The following TMC4 variants were observed in gnomAD, a reference collection of about 807,000 sequenced individuals.
TMC4 encodes the protein transmembrane channel like 4.
In TMC4, 70 loss-of-function variants were observed where a neutral mutation model predicts 82.0. The observed-to-expected ratio is 0.85, with a 90% confidence interval of 0.70 to 1.04. TMC4 has a LOEUF of 1.04. Among genes scored for constraint, TMC4 ranks in the 50% least tolerant of loss-of-function variants. The probability of loss-of-function intolerance (pLI) is 0.00; values close to 1 mark genes in which losing one functional copy is unlikely to be tolerated. For missense variants in TMC4, 879 were observed against 899.0 expected (o/e 0.98, Z 0.28); for synonymous variants, 446 against 406.0 (o/e 1.10, Z -1.18).
At position 54,168,914 on chromosome 19, in the gene TMC4, TC is replaced by T. The variant is rs1365504993; in HGVS notation, c.443-235del. The stretch of plus-strand genomic sequence containing the variant: ...TTCTTTCCTTTCTTTCTTCTTTCTT[TC>T]CTTCCTTCCTTCCTTCCTTCCTTCC... On this transcript the variant is annotated intron_variant, in intron 3 of 14. Transcript: ENST00000619895. 8.9e-4 allele frequency among the ~76,000 whole-genome samples: 8 copies of T among 8,996 alleles called. 2 individuals carry two copies. The highest frequency in any genetic ancestry group is 0.083 in the Middle Eastern group (2 of 24). The allele number at this position is 8,996 out of a possible 152,430, so 5.9% of individuals were successfully genotyped here.
intron 8 of TMC4, 144 bp downstream of exon 8, chr19:54,163,580 G>C: frequency 1.0e-6 from 1 of 1,003,820 alleles, no homozygotes; most frequent in African/African-American, 1.6e-5. Context: ...ACAGGTGTGA[G>C]CCACTGCACC....
In TMC4 at chr19:54,160,369, C is replaced by T. The variant is rs375602034; in HGVS notation, c.2058G>A (p.Ala686=). 7 of 1,537,754 alleles carry T rather than the reference C, an allele frequency of 4.6e-6. No homozygotes were observed. Among genetic ancestry groups the T allele is most frequent in the African/African-American group, 2.8e-5 (2 of 72,122 alleles). The change falls in exon 15 of 15, where the codon GCG becomes GCA. Residue 686 remains alanine, a synonymous_variant. Coordinates refer to ENST00000619895, the MANE Select transcript of TMC4 (RefSeq NM_144686.4). ...GCCGTGCCAGGAAGACTTTATTCTG[C>T]GCCTCCTGGGGCAAAGAGAGGTGGA... ...SELKRQRETE[A]QNKVFLARRA...
Position 54,163,856 on chromosome 19 carries a change from A to C in TMC4, c.1145T>G (p.Leu382Arg). 1 of 1,614,110 alleles carries C rather than the reference A, an allele frequency of 6.2e-7. No homozygotes were observed. Among genetic ancestry groups the C allele is most frequent in the Non-Finnish European group, 8.5e-7 (1 of 1,180,010 alleles). ...CGGAAGGTAATTCACCCCAAGCTTC[A>C]GCAGTGGCAACTCCTGGACAAGGGG... ...EMPLVQELPL[L>R]KLGVNYLPSI... The change falls in exon 8 of 15, where the codon CTG (leucine) becomes CGG (arginine). Residue 382 changes from leucine to arginine, a missense_variant. Physicochemically the swap from Leu to Arg is moderately radical, Grantham distance 102. Transcript: ENST00000619895.
At chr19:54,171,033 T>C (rs942842508) in intron 2 of TMC4, among the ~76,000 whole-genome samples, 4 of 140,638 alleles carry the variant, frequency 2.8e-5, no homozygotes, top group Non-Finnish European at 6.2e-5. Context: ...TACATTGTTA[T>C]TTTTTATTGT....
Position 54,163,084 on chromosome 19 carries a change from G to A in TMC4, c.1353C>T (p.Asp451=). ...SLWNQITCGG[D]SEAEDCKTCG... ...AGGTTTTGCAGTCCTCAGCCTCGGA[G>A]TCGCCCCCACAAGTGATCTGATTCC... The change falls in exon 9 of 15, where the codon GAC becomes GAT. Residue 451 remains aspartate, a synonymous_variant. Coordinates refer to ENST00000619895, the MANE Select transcript of TMC4 (RefSeq NM_144686.4). The A allele has an allele frequency of 6.2e-7, 1 of 1,613,902 alleles. No individual in the cohort carries two copies. The highest frequency in any genetic ancestry group is 8.5e-7 in the Non-Finnish European group (1 of 1,179,994).
chr19:54,164,825 C>T (rs2075661257), intron 6 of TMC4: 3 of 609,654 alleles, frequency 4.9e-6, no homozygotes, highest in Admixed American at 6.3e-5. Flanking sequence ...AGCCCCCATC[C>T]CTCCGCGGTC....
At position 54,160,490 on chromosome 19, in the gene TMC4, C is replaced by G. The variant is rs758439329; in HGVS notation, c.2029G>C (p.Glu677Gln). 6.2e-7 allele frequency: 1 copy of G among 1,614,124 alleles called. No homozygotes were observed. The highest frequency in any genetic ancestry group is 1.1e-5 in the South Asian group (1 of 91,088). Residue 677 changes from glutamate (E) to glutamine (Q), a missense_variant, in exon 14 of 15, where the codon GAG becomes CAG. Glu to Gln is a conservative substitution (Grantham distance 29, BLOSUM62 2). Coordinates refer to ENST00000619895, the MANE Select transcript of TMC4 (RefSeq NM_144686.4). ...ACCGTCTCTCTCTGACGTTTGAGCT[C>G]AGAGATGAGGCGTCCGTAGGAGTTA... ...LANSYGRLIS[E>Q]LKRQRETEAQ...
chr19:54,166,343 A>C (rs2075704730), intron 5 of TMC4, among the ~76,000 whole-genome samples: 1 of 137,774 alleles, frequency 7.3e-6, no homozygotes, highest in Non-Finnish European at 1.6e-5. Context: ...AAAAAAAAAA[A>C]AAAGACCCAG....
At chr19:54,162,542 C>T (rs1235596706) in intron 10 of TMC4, 131 bp downstream of exon 10, 3 of 795,582 alleles carry the variant, frequency 3.8e-6, no homozygotes, top group Non-Finnish European at 4.2e-6. Flanking sequence ...GGGAGATCTG[C>T]GGACCTAGGG....
chr19:54,162,266 G>T lies in TMC4; in HGVS notation c.1522C>A (p.Pro508Thr). ...CCCGCCAGACGACCCAGCGCCCCAG[G>T]ACAGAGGCCACAGAGGAGCCTGAAG... is the stretch of plus-strand genomic sequence containing the variant. ...FPRKLLCGLCPGALGRLAGTQ... is the reference protein window; with the variant it reads ...FPRKLLCGLCTGALGRLAGTQ... Residue 508 changes from proline to threonine, a missense_variant, in exon 11 of 15, where the codon CCT (proline) becomes ACT (threonine). Physicochemically the swap from Pro to Thr is conservative, Grantham distance 38 (BLOSUM62 -1). Coordinates refer to ENST00000619895, the MANE Select transcript of TMC4 (RefSeq NM_144686.4). 2 of 1,597,144 alleles carry T rather than the reference G, an allele frequency of 1.3e-6. No individual in the cohort carries two copies. The highest frequency in any genetic ancestry group is 1.7e-4 in the Middle Eastern group (1 of 5,978).
chr19:54,160,717 A>C, intron 13 of TMC4, 161 bp downstream of exon 13: 2 of 1,407,356 alleles, frequency 1.4e-6, no homozygotes, highest in Non-Finnish European at 1.9e-6. Flanking sequence ...CGTCCCGCCC[A>C]CCTCCTCCTT....
intron 10 of TMC4, 152 bp downstream of exon 10, chr19:54,162,521 G>A (rs2075589604): frequency 1.4e-6 from 1 of 738,622 alleles, no homozygotes; most frequent in African/African-American, 1.8e-5. Flanking sequence ...CTAAAACAAG[G>A]GCGGGGAGCG....
chr19:54,169,612 CTT>C lies in TMC4; in HGVS notation c.340_341del (p.Lys114AspfsTer54). 1.2e-6 allele frequency: 2 copies of C among 1,614,070 alleles called. No homozygotes were observed. The highest frequency in any genetic ancestry group is 8.5e-7 in the Non-Finnish European group (1 of 1,180,044). On this transcript the variant is annotated frameshift_variant, in exon 3 of 15. Coordinates refer to ENST00000619895, the MANE Select transcript of TMC4 (RefSeq NM_144686.4). LOFTEE classifies it high-confidence loss of function. ...RDQVVYGSGT[K>X]TDRWARLLRR... is the part of the protein sequence containing the mutation. ...GAAGTAGCCGCGCCCATCGGTCCGT[CTT>C]AGTTCCAGAGCCATAGACCACCTGG...
intron 2 of TMC4, among the ~76,000 whole-genome samples, chr19:54,170,833 T>C (rs1435351277): frequency 2.0e-5 from 3 of 151,968 alleles, no homozygotes; most frequent in Admixed American, 2.0e-4. Flanking sequence ...AGATTACTTA[T>C]AACACCCGGT....
rs368252966 is a variant in TMC4, at chr19:54,171,892, T to C, written c.271A>G (p.Met91Val). ...CACCTGTGTGCCCGTCTGGCCTGCA[T>C]GGGCCAGGGCAGTTCCCGGGAAGGG... ...PHPSRELPWPMQARRAHRQRN... is the reference protein window; with the variant it reads ...PHPSRELPWPVQARRAHRQRN... The change falls in exon 2 of 15, where the codon ATG becomes GTG. Residue 91 changes from methionine to valine, a missense_variant. Met to Val is a conservative substitution (Grantham distance 21, BLOSUM62 1). Coordinates refer to ENST00000619895, the MANE Select transcript of TMC4 (RefSeq NM_144686.4). 144 of 1,609,218 alleles carry C rather than the reference T, an allele frequency of 8.9e-5. No individual in the cohort carries two copies. Among genetic ancestry groups the C allele is most frequent in the Middle Eastern group, 5.0e-4 (3 of 6,058 alleles).
At chr19:54,163,213 G>T (rs1447605883) in intron 8 of TMC4, 54 bp from the exon 9 acceptor site, 1 of 1,606,360 alleles carries the variant, frequency 6.2e-7, no homozygotes, top group Non-Finnish European at 8.5e-7. Context: ...CCATGTGGCA[G>T]TTCCCTTCTC....
At chr19:54,164,031 G>A in intron 7 of TMC4, 144 bp from the exon 8 acceptor site, 1 of 930,184 alleles carries the variant, frequency 1.1e-6, no homozygotes, top group Non-Finnish European at 1.5e-6. Flanking sequence ...CTAGAATGCA[G>A]CGGTGCGATC....
At chr19:54,168,124 C>T in intron 5 of TMC4, 47 bp downstream of exon 5, 3 of 1,553,168 alleles carry the variant, frequency 1.9e-6, no homozygotes, top group Non-Finnish European at 2.6e-6. Flanking sequence ...CTTGCTTCCC[C>T]ACCCCAACCC....
chr19:54,168,366 G>A, intron 4 of TMC4, 74 bp from the exon 5 acceptor site: 1 of 1,526,192 alleles, frequency 6.6e-7, no homozygotes, highest in Non-Finnish European at 8.8e-7. Context: ...TCAGGGTCTG[G>A]GGTCAGGGTT....
Sources: allele counts gnomAD v4.1 joint callset (sites outside exome capture counted in the v4.1 genomes callset), GRCh38; gene constraint gnomAD v4.1.1; transcripts MANE v1.5; gene names NCBI Gene and HGNC (gene_info 2026-07-23, HGNC 2026-07-21).